Variants in GAN observed in about 807,000 individuals in gnomAD.
GAN encodes the protein gigaxonin, also known as epididymis secretory sperm binding protein.
In GAN, 48 loss-of-function variants were observed where a neutral mutation model predicts 71.3. That is an observed-to-expected ratio of 0.67 (90% confidence interval 0.53 to 0.86). GAN has a LOEUF of 0.86. Among genes scored for constraint, GAN ranks in the 40% least tolerant of loss-of-function variants. The pLI is 0.00. For synonymous variants in GAN, 386 were observed against 276.8 expected (o/e 1.39, Z -3.92); for missense variants, 928 against 770.1 (o/e 1.21, Z -2.43).
rs552428509 is a variant in GAN, at chr16:81,377,911, A to G, written c.*315A>G. ...TATCATGTAAAATATCAAAGTTAAA[A>G]TACTAAGGTGCATTTTCCCTGAAGG... On this transcript the variant is annotated 3_prime_UTR_variant, in exon 11 of 11. Transcript: ENST00000648994. 3 of 390,408 alleles carry G rather than the reference A, an allele frequency of 7.7e-6. No individual in the cohort carries two copies. In the South Asian group the frequency reaches 8.2e-5, roughly 11 times the overall value. 24.2% of individuals were successfully genotyped at this position (390,408 alleles called of 1,614,324 possible).
chr16:81,327,864 C>T (rs967441901), intron 1 of GAN, among the ~76,000 whole-genome samples: 4 of 152,186 alleles, frequency 2.6e-5, no homozygotes, highest in African/African-American at 9.6e-5. Context: ...TAGAAAGAGC[C>T]TTTTAATAGC....
intron 1 of GAN, among the ~76,000 whole-genome samples, chr16:81,349,670 T>C (rs1910235565): frequency 6.6e-6 from 1 of 152,134 alleles, no homozygotes; most frequent in African/African-American, 2.4e-5. Flanking sequence ...GAAATTTTGT[T>C]AATATTATTT....
chr16:81,354,674 T>C lies in GAN; in HGVS notation c.552T>C (p.Leu184=), dbSNP rs1458851654. 1 of 1,613,702 alleles carries C rather than the reference T, an allele frequency of 6.2e-7. No individual in the cohort carries two copies. The highest frequency in any genetic ancestry group is 1.7e-5 in the Admixed American group (1 of 60,024). ...AAAAGCTTAAAGAAGTGATTTCTCT[T>C]GAGAAGTTAAACGTTGGCAATGAAA... ...SPQKLKEVIS[L]EKLNVGNERY... The change falls in exon 3 of 11, where the codon CTT becomes CTC. Residue 184 remains leucine (L), a synonymous_variant. Transcript: ENST00000648994.
At chr16:81,372,745 G>A (rs1171404752) in intron 9 of GAN, among the ~76,000 whole-genome samples, 11 of 152,204 alleles carry the variant, frequency 7.2e-5, no homozygotes, top group African/African-American at 2.4e-4. Flanking sequence ...CTTAAATGCC[G>A]AGATGTAGTT....
At chr16:81,351,094 A>G (rs1910285474) in intron 1 of GAN, among the ~76,000 whole-genome samples, 1 of 152,252 alleles carries the variant, frequency 6.6e-6, no homozygotes, top group South Asian at 2.1e-4. Flanking sequence ...AAAGCAAGGA[A>G]AAAGTGAGCA....
chr16:81,373,242 CTG>C (rs984081946), intron 9 of GAN, among the ~76,000 whole-genome samples: 1 of 152,220 alleles, frequency 6.6e-6, no homozygotes, highest in Admixed American at 6.5e-5. Flanking sequence ...GACCATATGA[CTG>C]TGTGCTCCAG....
Position 81,383,668 on chromosome 16 carries a change from T to G in GAN, c.*6072T>G, listed in dbSNP as rs1904325392. ...TTTCTTCCTGGCTCAACAAAGTTGT[T>G]GAGCTTCCTTCTGTGCACACATTGA... On this transcript the variant is annotated 3_prime_UTR_variant, in exon 11 of 11. Transcript: ENST00000648994. The G allele has an allele frequency of 6.6e-6, 1 of 152,118 alleles. No individual in the cohort carries two copies. Among genetic ancestry groups the G allele is most frequent in the African/African-American group, 2.4e-5 (1 of 41,434 alleles). The allele number at this position is 152,118 out of a possible 1,614,324, so 9.4% of individuals were successfully genotyped here. A position where few individuals can be genotyped will look rare whatever the true frequency, so the allele number is the denominator to read the frequency against.
intron 1 of GAN, among the ~76,000 whole-genome samples, chr16:81,334,960 A>G (rs1322032476): frequency 3.3e-5 from 5 of 152,068 alleles, no homozygotes; most frequent in African/African-American, 4.8e-5. Context: ...CAAAGTCACT[A>G]TTTTCATGGA....
intron 1 of GAN, among the ~76,000 whole-genome samples, chr16:81,320,404 C>A (rs1465032526): frequency 2.0e-5 from 3 of 152,180 alleles, no homozygotes; most frequent in Non-Finnish European, 4.4e-5. Flanking sequence ...TTATTAGATT[C>A]TTTGCTTCCC....
At chr16:81,343,182 C>G (rs2150678974) in intron 1 of GAN, among the ~76,000 whole-genome samples, 1 of 152,152 alleles carries the variant, frequency 6.6e-6, no homozygotes, top group South Asian at 2.1e-4. Flanking sequence ...GGATTCACAG[C>G]CGAGTTCTAT....
rs755662335 is a variant in GAN at position 81,315,099 on chromosome 16, G to A, written c.-15G>A. The A allele has an allele frequency of 6.7e-7, 1 of 1,483,438 alleles. No individual in the cohort carries two copies. The highest frequency in any genetic ancestry group is 1.3e-5 in the South Asian group (1 of 77,940). 91.9% of individuals were successfully genotyped at this position (1,483,438 alleles called of 1,614,324 possible). On this transcript the variant is annotated 5_prime_UTR_variant, in exon 1 of 11. Transcript: ENST00000648994. ...GTCGGGAGCCGGACCCGTCGGCAGA[G>A]GAGCGGGCGCCGCGATGGCTGAGGG...
intron 1 of GAN, among the ~76,000 whole-genome samples, chr16:81,319,038 G>A (rs1909137862): frequency 6.6e-6 from 1 of 151,868 alleles, no homozygotes; most frequent in Admixed American, 6.6e-5. Flanking sequence ...TTGACAGGCT[G>A]GGCGCAGTGG....
chr16:81,343,554 A>C (rs138686126), intron 1 of GAN, among the ~76,000 whole-genome samples: 58 of 152,344 alleles, frequency 3.8e-4, no homozygotes, highest in African/African-American at 1.4e-3. Context: ...AAGGCCTTTG[A>C]CAAAATTTGG....
chr16:81,325,709 C>G (rs1421027290), intron 1 of GAN, among the ~76,000 whole-genome samples: 1 of 152,058 alleles, frequency 6.6e-6, no homozygotes. Flanking sequence ...CAACTGGATG[C>G]TAATTGAACA....
intron 3 of GAN, among the ~76,000 whole-genome samples, chr16:81,356,412 T>C (rs1443269090): frequency 6.6e-6 from 1 of 152,158 alleles, no homozygotes; most frequent in Admixed American, 6.5e-5. Context: ...TATATAATAT[T>C]TGTATAAACA....
chr16:81,347,109 G>T (rs1160062858), intron 1 of GAN, among the ~76,000 whole-genome samples: 4 of 152,280 alleles, frequency 2.6e-5, no homozygotes, highest in Middle Eastern at 3.4e-3. Context: ...AGATATTTCG[G>T]TATTTTATTC....
intron 1 of GAN, among the ~76,000 whole-genome samples, chr16:81,326,061 A>C (rs1294062592): frequency 6.6e-6 from 1 of 152,198 alleles, no homozygotes; most frequent in Non-Finnish European, 1.5e-5. Flanking sequence ...TCCCTCCAGC[A>C]GACTCCTTTA....
At position 81,381,982 on chromosome 16, in the gene GAN, A is replaced by G. The variant is rs757797076; in HGVS notation, c.*4386A>G. The G allele has an allele frequency of 1.3e-5, 2 of 152,126 alleles. No individual in the cohort carries two copies. Among genetic ancestry groups the G allele is most frequent in the South Asian group, 2.1e-4 (1 of 4,822 alleles). The allele number at this position is 152,126 out of a possible 1,614,324, so 9.4% of individuals were successfully genotyped here. On this transcript the variant is annotated 3_prime_UTR_variant, in exon 11 of 11. Transcript: ENST00000648994. The stretch of plus-strand genomic sequence containing the variant: ...GTACAGTCTTCTGATTGTACCCTCT[A>G]TATGGGACTATGAGACCCTCTATAG...
rs1458794487 is a variant in GAN, at chr16:81,387,400, T to C, written c.*9804T>C. 6.6e-6 allele frequency: 1 copy of C among 152,226 alleles called. No individual in the cohort carries two copies. The highest frequency in any genetic ancestry group is 1.5e-5 in the Non-Finnish European group (1 of 68,074). 9.4% of individuals were successfully genotyped at this position (152,226 alleles called of 1,614,324 possible). On this transcript the variant is annotated 3_prime_UTR_variant, in exon 11 of 11. Transcript: ENST00000648994. ...GGCACGTCGTCACCAAGGGACCTGATTGTTGTCATGGTTTTGTCTTGTCCT... is the reference window on the plus strand; with the variant it reads ...GGCACGTCGTCACCAAGGGACCTGACTGTTGTCATGGTTTTGTCTTGTCCT...
Sources: allele counts gnomAD v4.1 joint callset (sites outside exome capture counted in the v4.1 genomes callset), GRCh38; gene constraint gnomAD v4.1.1; transcripts MANE v1.5; gene names NCBI Gene and HGNC (gene_info 2026-07-23, HGNC 2026-07-21).